Variants in GALNT17 observed in about 807,000 individuals in gnomAD.
The protein encoded by GALNT17 is UDP-GalNAc:polypeptide N-acetylgalactosaminyltransferase-like 3.
A neutral mutation model predicts 63.7 loss-of-function variants in GALNT17; 29 were observed. The observed-to-expected ratio is 0.46, with a 90% CI of 0.34 to 0.62. The LOEUF is 0.62. Ranked by LOEUF, GALNT17 falls within the 20% of genes least tolerant of loss-of-function variation. The probability of loss-of-function intolerance (pLI) is 0.01; values close to 1 mark genes in which losing one functional copy is unlikely to be tolerated. For missense variants in GALNT17, 603 were observed against 799.6 expected (o/e 0.75, Z 2.97); for synonymous variants, 305 against 318.3 (o/e 0.96, Z 0.45).
At chr7:71,649,285 G>A (rs1354339772) in intron 6 of GALNT17, among the ~76,000 whole-genome samples, 1 of 152,078 alleles carries the variant, frequency 6.6e-6, no homozygotes, top group African/African-American at 2.4e-5. Flanking sequence ...CCATTTTTTA[G>A]GACCACCAGT....
intron 5 of GALNT17, among the ~76,000 whole-genome samples, chr7:71,433,494 G>C (rs1456565537): frequency 2.0e-5 from 3 of 152,228 alleles, no homozygotes; most frequent in African/African-American, 7.2e-5. Flanking sequence ...CTTGTACACA[G>C]CAAGCAGGTG....
chr7:71,159,647 G>A (rs1288554544), intron 1 of GALNT17, among the ~76,000 whole-genome samples: 3 of 147,894 alleles, frequency 2.0e-5, no homozygotes, highest in Admixed American at 6.9e-5. Flanking sequence ...GAGCAGAAAC[G>A]GGCAGACCTA....
At chr7:71,241,804 G>C (rs1163980086) in intron 1 of GALNT17, among the ~76,000 whole-genome samples, 2 of 152,106 alleles carry the variant, frequency 1.3e-5, no homozygotes, top group Admixed American at 1.3e-4. Flanking sequence ...CAGGAGGATT[G>C]CTTGAGCCCA....
At chr7:71,523,485 G>C (rs1413270478) in intron 5 of GALNT17, among the ~76,000 whole-genome samples, 3 of 151,806 alleles carry the variant, frequency 2.0e-5, no homozygotes, top group Admixed American at 6.6e-5. Flanking sequence ...CACAGTGAGT[G>C]GGCTCATGCC....
At chr7:71,143,023 T>C (rs1787945687) in intron 1 of GALNT17, among the ~76,000 whole-genome samples, 1 of 150,850 alleles carries the variant, frequency 6.6e-6, no homozygotes, top group African/African-American at 2.4e-5. Context: ...GCTTAGCCGG[T>C]GAGTGCTGAA....
chr7:71,636,346 A>G (rs1790528572), intron 6 of GALNT17, among the ~76,000 whole-genome samples: 1 of 152,220 alleles, frequency 6.6e-6, no homozygotes, highest in South Asian at 2.1e-4. Context: ...AAGATGGTGG[A>G]CTTGGGAAGA....
chr7:71,399,322 G>T (rs1052038250), intron 3 of GALNT17, among the ~76,000 whole-genome samples: 8 of 152,120 alleles, frequency 5.3e-5, no homozygotes, highest in Non-Finnish European at 7.4e-5. Context: ...TCCTTATTCT[G>T]GTCTGTCCAT....
chr7:71,267,636 CT>C (rs1463914936), intron 1 of GALNT17, among the ~76,000 whole-genome samples: 1 of 152,120 alleles, frequency 6.6e-6, no homozygotes, highest in African/African-American at 2.4e-5. Context: ...TGTACTGGCT[CT>C]TTTATTCCCC....
intron 1 of GALNT17, among the ~76,000 whole-genome samples, chr7:71,320,293 G>C (rs1423538917): frequency 6.6e-6 from 1 of 151,910 alleles, no homozygotes; most frequent in Non-Finnish European, 1.5e-5. Flanking sequence ...CTAGAGTGCA[G>C]TGGCACAATC....
chr7:71,434,565 CT>C (rs1454132580), intron 5 of GALNT17, among the ~76,000 whole-genome samples: 17 of 152,170 alleles, frequency 1.1e-4, no homozygotes, highest in Admixed American at 1.1e-3. Context: ...CTCCACCTTT[CT>C]TTTTTTCCCT....
intron 5 of GALNT17, among the ~76,000 whole-genome samples, chr7:71,525,308 TG>T (rs1331717174): frequency 2.0e-5 from 3 of 152,130 alleles, no homozygotes; most frequent in Admixed American, 2.0e-4. Context: ...CCCAAATAGC[TG>T]GGACTACAGG....
At chr7:71,367,224 T>C (rs914530396) in intron 2 of GALNT17, among the ~76,000 whole-genome samples, 1 of 152,224 alleles carries the variant, frequency 6.6e-6, no homozygotes, top group Admixed American at 6.5e-5. Context: ...TCATCAATAC[T>C]TCTTCCTTAT....
chr7:71,464,170 G>A (rs55967920), intron 5 of GALNT17, among the ~76,000 whole-genome samples: 2,154 of 152,296 alleles, frequency 0.014, 36 homozygotes, highest in African/African-American at 0.046. Flanking sequence ...GACATTAAGC[G>A]TGGGGGATTC....
chr7:71,435,248 C>G (rs1786937370), intron 5 of GALNT17, among the ~76,000 whole-genome samples: 1 of 152,132 alleles, frequency 6.6e-6, no homozygotes, highest in Non-Finnish European at 1.5e-5. Context: ...TGAAAAAGAT[C>G]TAACCTAAGT....
intron 2 of GALNT17, among the ~76,000 whole-genome samples, chr7:71,357,318 G>T (rs945519005): frequency 6.6e-5 from 10 of 152,078 alleles, no homozygotes; most frequent in African/African-American, 2.4e-4. Context: ...ATAGGAGCGC[G>T]AACCCTATTG....
At chr7:71,147,975 C>T (rs1788056138) in intron 1 of GALNT17, among the ~76,000 whole-genome samples, 1 of 152,194 alleles carries the variant, frequency 6.6e-6, no homozygotes, top group Admixed American at 6.5e-5. Flanking sequence ...GTAACCTCCC[C>T]TGACCACCTT....
intron 6 of GALNT17, among the ~76,000 whole-genome samples, chr7:71,586,810 C>G (rs1030061330): frequency 6.6e-6 from 1 of 151,794 alleles, no homozygotes; most frequent in East Asian, 1.9e-4. Context: ...TTGTAAAGAT[C>G]AAGTCAGTGT....
At chr7:71,675,140 C>A (rs571200709) in intron 8 of GALNT17, among the ~76,000 whole-genome samples, 1 of 152,030 alleles carries the variant, frequency 6.6e-6, no homozygotes, top group African/African-American at 2.4e-5. Flanking sequence ...GCCGAGATTG[C>A]GCCACTGCAT....
chr7:71,408,956 A>G (rs1293222371), intron 3 of GALNT17, among the ~76,000 whole-genome samples: 1 of 151,494 alleles, frequency 6.6e-6, no homozygotes, highest in Non-Finnish European at 1.5e-5. Context: ...TATATACTGT[A>G]TATGTGTACA....
Sources: allele counts gnomAD v4.1 joint callset (sites outside exome capture counted in the v4.1 genomes callset), GRCh38; gene constraint gnomAD v4.1.1; transcripts MANE v1.5; gene names NCBI Gene and HGNC (gene_info 2026-07-23, HGNC 2026-07-21).